CPSF7: variants seen among roughly 807,000 people sequenced by gnomAD.
CPSF7 encodes cleavage and polyadenylation specific factor 7.
CPSF7 carries 1 observed loss-of-function variant against 44.3 expected under a neutral mutation model. That is an observed-to-expected ratio of 0.02 (90% CI 0.01 to 0.11). The LOEUF (loss-of-function observed/expected upper bound fraction) is 0.11. CPSF7 is among the 10% of genes least tolerant of loss of function. CPSF7 has a pLI of 1.00. For synonymous variants in CPSF7, 202 were observed against 222.0 expected, an observed-to-expected ratio of 0.91 and a Z score of 0.80; for missense variants, 443 against 607.2, an observed-to-expected ratio of 0.73 and a Z score of 2.84.
rs376106023 is a variant in CPSF7 at position 61,409,926 on chromosome 11, T to C, written c.*5+1012A>G. Among the ~76,000 whole-genome samples the C allele has an allele frequency of 8.5e-5, 13 of 152,060 alleles. No individual in the cohort carries two copies. The South Asian group carries it at 2.7e-3, about 32-fold the overall frequency. Reference sequence around the variant, plus strand: ...TGGGGGTTGCAGTGAGCTGAGATCATGCCACTATACTCCAGCGTGGGCGGC... The same window carrying C: ...TGGGGGTTGCAGTGAGCTGAGATCACGCCACTATACTCCAGCGTGGGCGGC... On this transcript the variant is annotated intron_variant, in intron 9 of 9. Coordinates refer to ENST00000439958, the MANE Select transcript of CPSF7 (RefSeq NM_001142565.3).
At chr11:61,420,407 T>C in intron 4 of CPSF7, 63 bp downstream of exon 4, 1 of 1,442,686 alleles carries the variant, frequency 6.9e-7, no homozygotes, top group Non-Finnish European at 9.7e-7. Flanking sequence ...GGCCAAAATA[T>C]AGTACAGATC....
intron 7 of CPSF7, among the ~76,000 whole-genome samples, chr11:61,414,384 G>T (rs1313961800): frequency 6.6e-6 from 1 of 152,056 alleles, no homozygotes; most frequent in Non-Finnish European, 1.5e-5. Context: ...CTGACCTCAA[G>T]TGATTTACCG....
intron 2 of CPSF7, among the ~76,000 whole-genome samples, chr11:61,428,010 G>A (rs1306210874): frequency 6.6e-6 from 1 of 152,140 alleles, no homozygotes; most frequent in African/African-American, 2.4e-5. Context: ...GTCCTTATGT[G>A]TACCCACTGG....
chr11:61,429,626 T>G, intron 1 of CPSF7: 1 of 1,026,808 alleles, frequency 9.7e-7, no homozygotes, highest in Non-Finnish European at 1.4e-6. Flanking sequence ...CCCTATCCGC[T>G]GCACCTGCCT....
chr11:61,410,863 G>A (rs1335628157), intron 9 of CPSF7, 75 bp downstream of exon 9: 1 of 1,426,538 alleles, frequency 7.0e-7, no homozygotes, highest in Non-Finnish European at 9.4e-7. Flanking sequence ...TTGCTTTAAA[G>A]AGAGAGAATT....
chr11:61,417,918 C>A (rs1489184751), intron 5 of CPSF7, among the ~76,000 whole-genome samples: 1 of 152,160 alleles, frequency 6.6e-6, no homozygotes, highest in African/African-American at 2.4e-5. Context: ...AGAAAAACAG[C>A]ACTCAGTTAC....
At chr11:61,405,131 G>A (rs896188579) in intron 9 of CPSF7, among the ~76,000 whole-genome samples, 1 of 152,078 alleles carries the variant, frequency 6.6e-6, no homozygotes, top group Non-Finnish European at 1.5e-5. Context: ...AAGGGGAGGG[G>A]GAAAAATCTG....
At chr11:61,405,698 C>T (rs1222050199) in intron 9 of CPSF7, among the ~76,000 whole-genome samples, 1 of 152,218 alleles carries the variant, frequency 6.6e-6, no homozygotes, top group Admixed American at 6.5e-5. Context: ...AGCCTACGCA[C>T]AAATGTTTAC....
intron 2 of CPSF7, among the ~76,000 whole-genome samples, chr11:61,428,565 G>C (rs1429431529): frequency 6.6e-6 from 1 of 152,166 alleles, no homozygotes; most frequent in Non-Finnish European, 1.5e-5. Context: ...TCTATTATCA[G>C]TTTTCTAACT....
At chr11:61,415,805 C>T in intron 6 of CPSF7, 21 bp from the exon 7 acceptor site, 1 of 1,482,200 alleles carries the variant, frequency 6.7e-7, no homozygotes, top group Non-Finnish European at 9.4e-7. Context: ...AAAATACCAT[C>T]CTTGATTGCT....
In CPSF7 at chr11:61,427,812, C is replaced by G. The variant is rs1427817950; in HGVS notation, c.54+1370G>C. On this transcript the variant is annotated intron_variant, in intron 2 of 9. Coordinates refer to ENST00000439958, the MANE Select transcript of CPSF7 (RefSeq NM_001142565.3). ...GGTACAAGGTCATTACATTATTCTG[C>G]TTTTGTGTATGGTTTATAATTTCCA... is the stretch of plus-strand genomic sequence containing the variant. Among the ~76,000 whole-genome samples, 3 of 152,282 alleles carry G rather than the reference C, an allele frequency of 2.0e-5. No individual in the cohort carries two copies. In the East Asian group the frequency reaches 5.8e-4, roughly 29 times the overall value.
Position 61,429,536 on chromosome 11 carries a change from C to T in CPSF7, c.-55-246G>A. ...GCGTCTGCGCCGCAGCTGCCTATGGCGCGACGGAAAAGTCCCACCCTCGGG... is the reference window on the plus strand; with the variant it reads ...GCGTCTGCGCCGCAGCTGCCTATGGTGCGACGGAAAAGTCCCACCCTCGGG... On this transcript the variant is annotated intron_variant, in intron 1 of 9. Transcript: ENST00000439958. The T allele has an allele frequency of 5.3e-6, 3 of 565,476 alleles. 1 individual carries two copies. The highest frequency in any genetic ancestry group is 2.5e-5 in the South Asian group (1 of 40,480). 35.0% of individuals were successfully genotyped at this position (565,476 alleles called of 1,614,324 possible). A position where few individuals can be genotyped will look rare whatever the true frequency, so the allele number is the denominator to read the frequency against.
chr11:61,415,924 A>G (rs1050005003), intron 6 of CPSF7, 140 bp from the exon 7 acceptor site: 22 of 848,218 alleles, frequency 2.6e-5, no homozygotes, highest in Non-Finnish European at 3.9e-5. Flanking sequence ...CCCGCATTTA[A>G]TTAAGCACCT....
intron 9 of CPSF7, among the ~76,000 whole-genome samples, chr11:61,407,473 A>G (rs1289900786): frequency 6.6e-6 from 1 of 152,226 alleles, no homozygotes; most frequent in Non-Finnish European, 1.5e-5. Context: ...AGACTGAATT[A>G]GGCCAAAGTT....
chr11:61,419,119 G>T (rs1337340048), intron 5 of CPSF7, among the ~76,000 whole-genome samples: 2 of 151,968 alleles, frequency 1.3e-5, no homozygotes, highest in African/African-American at 2.4e-5. Context: ...GTCTCCCGGG[G>T]TCAAGCAATT....
At chr11:61,416,655 G>A in intron 5 of CPSF7, 136 bp from the exon 6 acceptor site, 1 of 890,178 alleles carries the variant, frequency 1.1e-6, no homozygotes, top group Non-Finnish European at 1.7e-6. Flanking sequence ...ATCATCTACT[G>A]CCTTTTTTTT....
intron 1 of CPSF7, chr11:61,429,555 C>G (rs1861747356): frequency 6.7e-6 from 4 of 600,494 alleles, no homozygotes; most frequent in Non-Finnish European, 8.3e-6. Flanking sequence ...AAAGTCCCAC[C>G]CTCGGGTCCT....
chr11:61,421,337 C>A, intron 3 of CPSF7, 53 bp downstream of exon 3: 1 of 1,446,996 alleles, frequency 6.9e-7, no homozygotes, highest in East Asian at 2.3e-5. Context: ...CCATCACCTC[C>A]CAGTGCTCTC....
At position 61,416,478 on chromosome 11, in the gene CPSF7, C is replaced by G. The variant is rs749307947; in HGVS notation, c.565G>C (p.Ala189Pro). ...RAHSRDSSDS[A>P]DGRATPSENL... ...TCAGAGGGTGTGGCCCGTCCATCAGCAGAATCACTAGAATCTCGGGAATGG... is the reference window on the plus strand; with the variant it reads ...TCAGAGGGTGTGGCCCGTCCATCAGGAGAATCACTAGAATCTCGGGAATGG... The change falls in exon 6 of 10, where the codon GCT (alanine) becomes CCT (proline). Residue 189 changes from alanine to proline, a missense_variant. Coordinates refer to ENST00000439958, the MANE Select transcript of CPSF7 (RefSeq NM_001142565.3). 6.2e-7 allele frequency: 1 copy of G among 1,614,024 alleles called. No individual in the cohort carries two copies. Among genetic ancestry groups the G allele is most frequent in the Non-Finnish European group, 8.5e-7 (1 of 1,180,018 alleles).
Sources: allele counts gnomAD v4.1 joint callset (sites outside exome capture counted in the v4.1 genomes callset), GRCh38; gene constraint gnomAD v4.1.1; transcripts MANE v1.5; gene names NCBI Gene and HGNC (gene_info 2026-07-23, HGNC 2026-07-21).